APH1B: variants seen among roughly 807,000 people sequenced by gnomAD.
APH1B encodes aph-1B gamma-secretase subunit.
A neutral mutation model predicts 28.2 loss-of-function variants in APH1B; 27 were observed. The ratio of observed to expected loss-of-function variants is 0.96; its 90% CI spans 0.70 to 1.32. The LOEUF (loss-of-function observed/expected upper bound fraction) is 1.32. APH1B is among the 40% of genes most tolerant of loss of function. APH1B has a pLI of 0.00. For missense variants in APH1B, 305 were observed against 313.6 expected, an observed-to-expected ratio of 0.97 and a Z score of 0.21; for synonymous variants, 141 against 124.6, an observed-to-expected ratio of 1.13 and a Z score of -0.88.
At chr15:63,286,448 A>G (rs369943216) in intron 2 of APH1B, 110 bp from the exon 3 acceptor site, 170 of 853,002 alleles carry the variant, frequency 2.0e-4, no homozygotes, top group Middle Eastern at 8.7e-4. Context: ...ACCTGATGCA[A>G]AGCCTCAGTG....
At chr15:63,281,551 A>AC (rs2038388568) in intron 2 of APH1B, among the ~76,000 whole-genome samples, 1 of 144,874 alleles carries the variant, frequency 6.9e-6, no homozygotes, top group Non-Finnish European at 1.5e-5. Context: ...AAAAAAAAAA[A>AC]CAAAAAAAAA....
intron 3 of APH1B, chr15:63,287,201 T>G: frequency 4.1e-6 from 2 of 482,068 alleles, no homozygotes; most frequent in Non-Finnish European, 7.3e-6. Flanking sequence ...CCCTTTTTCA[T>G]TACTCTGCTG....
At chr15:63,284,450 G>A (rs972013043) in intron 2 of APH1B, among the ~76,000 whole-genome samples, 13 of 152,164 alleles carry the variant, frequency 8.5e-5, no homozygotes, top group Non-Finnish European at 8.8e-5. Context: ...CTGCGCTCAA[G>A]TGACTTGTTT....
rs201857468 is a variant in APH1B at position 63,279,349 on chromosome 15, C to G, written c.284+18C>G. 1 of 1,574,548 alleles carries G rather than the reference C, an allele frequency of 6.4e-7. No individual in the cohort carries two copies. The highest frequency in any genetic ancestry group is 8.7e-7 in the Non-Finnish European group (1 of 1,152,928). ...CTCTTAAAGTAAGTTAAATACCTGC[C>G]TTACCTTTTTTTTCCCCAGTTAGAT... On this transcript the variant is annotated intron_variant, in intron 2 of 5. Coordinates refer to ENST00000261879, the MANE Select transcript of APH1B (RefSeq NM_031301.4).
chr15:63,285,435 T>A lies in APH1B; in HGVS notation c.285-1123T>A, dbSNP rs115055105. On this transcript the variant is annotated intron_variant, in intron 2 of 5. Coordinates refer to ENST00000261879, the MANE Select transcript of APH1B (RefSeq NM_031301.4). ...TTGCCTTAATAAATATACTTTATAGTAAATATAATTTAAATATTCTTTGAG... is the reference window on the plus strand; with the variant it reads ...TTGCCTTAATAAATATACTTTATAGAAAATATAATTTAAATATTCTTTGAG... Among the ~76,000 whole-genome samples, 1,442 of 152,316 alleles carry A rather than the reference T, an allele frequency of 9.5e-3. 18 individuals carry two copies. Among genetic ancestry groups the A allele is most frequent in the African/African-American group, 0.032 (1,349 of 41,568 alleles).
At chr15:63,282,626 G>C (rs2038400985) in intron 2 of APH1B, among the ~76,000 whole-genome samples, 2 of 152,088 alleles carry the variant, frequency 1.3e-5, no homozygotes, top group South Asian at 4.1e-4. Flanking sequence ...ACTCCTGTAT[G>C]TTGCTTGAAA....
At chr15:63,283,314 C>T (rs1314639160) in intron 2 of APH1B, among the ~76,000 whole-genome samples, 3 of 152,180 alleles carry the variant, frequency 2.0e-5, no homozygotes, top group Non-Finnish European at 2.9e-5. Flanking sequence ...CTGCAACTTC[C>T]GCCTCCGGGG....
chr15:63,287,402 CA>C, intron 3 of APH1B, 21 bp from the exon 4 acceptor site: 5 of 1,611,520 alleles, frequency 3.1e-6, no homozygotes, highest in Non-Finnish European at 4.2e-6. Context: ...AAAGAGTTAA[CA>C]GTGTTTTTCT....
chr15:63,292,342 C>T (rs922823116), intron 4 of APH1B, among the ~76,000 whole-genome samples: 6 of 152,164 alleles, frequency 3.9e-5, no homozygotes, highest in East Asian at 1.9e-4. Flanking sequence ...ATACTCTATA[C>T]GCTGTATATA....
intron 2 of APH1B, among the ~76,000 whole-genome samples, chr15:63,284,895 C>G (rs1411717419): frequency 6.6e-6 from 1 of 152,182 alleles, no homozygotes; most frequent in Non-Finnish European, 1.5e-5. Context: ...AAACAGAAAT[C>G]TTCCCACATT....
intron 2 of APH1B, among the ~76,000 whole-genome samples, chr15:63,282,217 A>G (rs2038396210): frequency 6.6e-6 from 1 of 152,196 alleles, no homozygotes. Context: ...AGTTTGGTTT[A>G]ATCAATACTT....
intron 5 of APH1B, among the ~76,000 whole-genome samples, chr15:63,305,327 A>C (rs2038674620): frequency 6.6e-6 from 1 of 152,262 alleles, no homozygotes; most frequent in Admixed American, 6.5e-5. Context: ...AAATGAATAG[A>C]AACTAGTTAC....
In APH1B at chr15:63,293,309, C is replaced by T. The variant is rs1458297022; in HGVS notation, c.478+5763C>T. On this transcript the variant is annotated intron_variant, in intron 4 of 5. Coordinates refer to ENST00000261879, the MANE Select transcript of APH1B (RefSeq NM_031301.4). ...CCTCCCCAGTAGCTGGGACTACAGG[C>T]GCCTGCCACCACGCCTGGCTAATTT... Among the ~76,000 whole-genome samples the T allele has an allele frequency of 5.3e-5, 8 of 150,484 alleles. No homozygotes were observed. The East Asian group carries it at 8.0e-4, about 15-fold the overall frequency.
chr15:63,278,820 T>C (rs947566692), intron 1 of APH1B, among the ~76,000 whole-genome samples: 1 of 152,240 alleles, frequency 6.6e-6, no homozygotes, highest in African/African-American at 2.4e-5. Flanking sequence ...GGCTCATCAA[T>C]GGGCAGAGCA....
chr15:63,298,441 GCTCAAGTGGTC>G (rs1289979536), intron 4 of APH1B, among the ~76,000 whole-genome samples: 3 of 152,094 alleles, frequency 2.0e-5, no homozygotes, highest in African/African-American at 7.2e-5. Context: ...GAACTCCTGG[GCTCAAGTGGTC>G]CACCCACCTC....
At position 63,305,897 on chromosome 15, in the gene APH1B, A is replaced by G. The variant is rs1261389697; in HGVS notation, c.*116A>G. The G allele has an allele frequency of 1.5e-6, 2 of 1,330,906 alleles. No individual in the cohort carries two copies. The highest frequency in any genetic ancestry group is 3.0e-5 in the African/African-American group (2 of 67,324). 82.4% of individuals were successfully genotyped at this position (1,330,906 alleles called of 1,614,324 possible). On this transcript the variant is annotated 3_prime_UTR_variant, in exon 6 of 6. Transcript: ENST00000261879. Reference sequence around the variant, plus strand: ...AATTGAGAAAGAAATAAAACTATGCAGATATGCGTTCCATTCACTTGGCTT... The same window carrying G: ...AATTGAGAAAGAAATAAAACTATGCGGATATGCGTTCCATTCACTTGGCTT...
chr15:63,304,205 C>G lies in APH1B; in HGVS notation c.607-1409C>G, dbSNP rs1198427460. Among the ~76,000 whole-genome samples, 2 of 152,136 alleles carry G rather than the reference C, an allele frequency of 1.3e-5. No homozygotes were observed. The highest frequency in any genetic ancestry group is 4.8e-5 in the African/African-American group (2 of 41,434). Reference sequence around the variant, plus strand: ...TGTGTGGCTCCGTTGACAGAAATACCAAAAGGCAGCACCAGGCTGTGGTGT... The same window carrying G: ...TGTGTGGCTCCGTTGACAGAAATACGAAAAGGCAGCACCAGGCTGTGGTGT... On this transcript the variant is annotated intron_variant, in intron 5 of 5. Coordinates refer to ENST00000261879, the MANE Select transcript of APH1B (RefSeq NM_031301.4). The surrounding 1 kb of genome is among the most constrained non-coding windows in gnomAD (Gnocchi z 5.1).
chr15:63,299,248 C>A (rs1392509944), intron 4 of APH1B, among the ~76,000 whole-genome samples: 1 of 152,044 alleles, frequency 6.6e-6, no homozygotes, highest in Non-Finnish European at 1.5e-5. Flanking sequence ...CATCAGACTT[C>A]TTAGTAAGAA....
rs1008499713 is a variant in APH1B, at chr15:63,308,273, G to A, written c.*2492G>A. On this transcript the variant is annotated 3_prime_UTR_variant, in exon 6 of 6. Coordinates refer to ENST00000261879, the MANE Select transcript of APH1B (RefSeq NM_031301.4). ...GCAATTCTTGAATATATTACCATGT[G>A]AATAATAGAGACTGTGTTGCTCTCT... The A allele has an allele frequency of 2.0e-5, 3 of 152,102 alleles. No individual in the cohort carries two copies. Among genetic ancestry groups the A allele is most frequent in the African/African-American group, 7.2e-5 (3 of 41,436 alleles). The allele number at this position is 152,102 out of a possible 1,614,324, so 9.4% of individuals were successfully genotyped here. A position where few individuals can be genotyped will look rare whatever the true frequency, so the allele number is the denominator to read the frequency against.
Sources: gnomAD v4.1 joint callset for allele counts (sites outside exome capture counted in the v4.1 genomes callset) on GRCh38, gnomAD v4.1.1 for gene constraint, Gnocchi (gnomAD v3.1) non-coding constraint, MANE v1.5 for transcripts, NCBI Gene and HGNC (gene_info 2026-07-23, HGNC 2026-07-21) for gene names.